MED12L: variants seen among roughly 807,000 people sequenced by gnomAD.
MED12L encodes the protein mediator of RNA polymerase II transcription subunit 12-like protein.
Under a neutral mutation model 281.3 loss-of-function variants are expected in MED12L, and 60 were observed. The observed-to-expected ratio is 0.21, with a 90% confidence interval of 0.17 to 0.26. The LOEUF is 0.26. Ranked by LOEUF, MED12L falls within the 10% of genes least tolerant of loss-of-function variation. The pLI is 1.00. For missense variants in MED12L, 2,146 were observed against 2,680.9 expected (o/e 0.80, Z 4.41); for synonymous variants, 974 against 987.2 (o/e 0.99, Z 0.25).
intron 39 of MED12L, among the ~76,000 whole-genome samples, 169 bp downstream of exon 39, chr3:151,395,036 A>G (rs183901936): frequency 1.3e-5 from 2 of 152,252 alleles, no homozygotes; most frequent in East Asian, 1.9e-4. Context: ...CCTCCATTGT[A>G]CTTTACTGTT....
intron 2 of MED12L, among the ~76,000 whole-genome samples, chr3:151,092,411 C>T (rs1720174940): frequency 6.6e-6 from 1 of 152,238 alleles, no homozygotes; most frequent in South Asian, 2.1e-4. Context: ...GTGGTGTTCA[C>T]ATCTGTGAAC....
chr3:151,173,777 G>A (rs989626828), intron 11 of MED12L, among the ~76,000 whole-genome samples: 1 of 152,168 alleles, frequency 6.6e-6, no homozygotes, highest in African/African-American at 2.4e-5. Context: ...TCCACTTCGT[G>A]TAGTAGTACA....
intron 9 of MED12L, among the ~76,000 whole-genome samples, chr3:151,164,290 A>G (rs1259344592): frequency 6.6e-6 from 1 of 152,174 alleles, no homozygotes; most frequent in African/African-American, 2.4e-5. Context: ...CCCAGACTGT[A>G]ATTATGGTGG....
chr3:151,334,193 TTTC>T (rs1447898985), intron 16 of MED12L, among the ~76,000 whole-genome samples: 2 of 17,546 alleles, frequency 1.1e-4, no homozygotes, highest in East Asian at 1.1e-3. Flanking sequence ...TCTTTCTTTC[TTTC>T]TTTTTTTTTT....
rs187833329 is a variant in MED12L, at chr3:151,135,555, A to G, written c.556+7571A>G. Among the ~76,000 whole-genome samples the G allele has an allele frequency of 2.2e-3, 332 of 152,348 alleles. 3 individuals are homozygous for G. The highest frequency in any genetic ancestry group is 7.6e-3 in the African/African-American group (318 of 41,590). Reference sequence around the variant, plus strand: ...TTTGTGTATGAGGGACCTGAGTCTCAGAGAAGTTAAGTAACTTGCTGGCCT... The same window carrying G: ...TTTGTGTATGAGGGACCTGAGTCTCGGAGAAGTTAAGTAACTTGCTGGCCT... On this transcript the variant is annotated intron_variant, in intron 5 of 44. Coordinates refer to ENST00000687756, the MANE Select transcript of MED12L (RefSeq NM_001393769.1).
chr3:151,406,593 A>G (rs1332814626), intron 39 of MED12L, among the ~76,000 whole-genome samples: 1 of 152,186 alleles, frequency 6.6e-6, no homozygotes, highest in African/African-American at 2.4e-5. Flanking sequence ...AGGAGGAAAC[A>G]TAATATGCTC....
chr3:151,252,949 G>A (rs2870521), intron 16 of MED12L, among the ~76,000 whole-genome samples: 13 of 152,210 alleles, frequency 8.5e-5, no homozygotes, highest in Admixed American at 5.9e-4. Flanking sequence ...ATGACATAGG[G>A]AATGTGTATA....
chr3:151,143,571 G>T (rs539083395), intron 5 of MED12L, among the ~76,000 whole-genome samples: 1 of 152,206 alleles, frequency 6.6e-6, no homozygotes, highest in Admixed American at 6.5e-5. Flanking sequence ...CTAGCAGCAA[G>T]TATCTTTCAC....
intron 2 of MED12L, among the ~76,000 whole-genome samples, chr3:151,097,777 A>G (rs1303882082): frequency 1.3e-5 from 2 of 152,020 alleles, no homozygotes; most frequent in African/African-American, 2.4e-5. Context: ...GCACCAAACA[A>G]CCCCCTACAC....
At chr3:151,161,904 A>G (rs554145558) in intron 8 of MED12L, among the ~76,000 whole-genome samples, 2 of 152,290 alleles carry the variant, frequency 1.3e-5, no homozygotes, top group South Asian at 4.1e-4. Context: ...CTTTAACAAT[A>G]TAGTGTTCAT....
In MED12L at chr3:151,185,313, T is replaced by G. The variant is rs751272800; in HGVS notation, c.1495-17T>G. 2 of 1,612,350 alleles carry G rather than the reference T, an allele frequency of 1.2e-6. No homozygotes were observed. The highest frequency in any genetic ancestry group is 1.3e-5 in the African/African-American group (1 of 74,864). ...TTTCATTTGATGTGGCTGGTACCCC[T>G]CTCTGTTGGTCATTAGGTTGCGCCC... On this transcript the variant is annotated splice_polypyrimidine_tract_variant and intron_variant, in intron 11 of 44. Transcript: ENST00000687756.
At chr3:151,378,285 T>C (rs1310694758) in intron 31 of MED12L, 112 bp downstream of exon 31, 2 of 1,135,280 alleles carry the variant, frequency 1.8e-6, no homozygotes, top group African/African-American at 3.2e-5. Flanking sequence ...AATTTAGTTT[T>C]TAAATGGAAC....
intron 16 of MED12L, chr3:151,212,007 C>G (rs1401827769): frequency 1.3e-5 from 2 of 152,114 alleles, no homozygotes; most frequent in African/African-American, 4.8e-5. Context: ...ATGTAACTGT[C>G]TCCATTGTAT....
chr3:151,197,443 C>T (rs920156281), intron 16 of MED12L, among the ~76,000 whole-genome samples: 7 of 152,122 alleles, frequency 4.6e-5, no homozygotes, highest in African/African-American at 1.2e-4. Flanking sequence ...CCACCACGCC[C>T]GGCTGGAGTC....
chr3:151,308,750 A>G (rs1185442301), intron 16 of MED12L, among the ~76,000 whole-genome samples: 1 of 152,176 alleles, frequency 6.6e-6, no homozygotes, highest in Non-Finnish European at 1.5e-5. Context: ...TACAGTCATC[A>G]TTATAGTTTT....
At chr3:151,129,125 G>A (rs921183585) in intron 5 of MED12L, among the ~76,000 whole-genome samples, 1 of 152,192 alleles carries the variant, frequency 6.6e-6, no homozygotes, top group African/African-American at 2.4e-5. Context: ...GTAAGGGAGA[G>A]TCCAATCACA....
chr3:151,284,297 T>C (rs77432801), intron 16 of MED12L, among the ~76,000 whole-genome samples: 3 of 152,066 alleles, frequency 2.0e-5, no homozygotes, highest in Non-Finnish European at 4.4e-5. Context: ...TTTTTTTTTT[T>C]CTACCCAAAG....
At chr3:151,202,556 G>A (rs1412323148) in intron 16 of MED12L, among the ~76,000 whole-genome samples, 1 of 152,178 alleles carries the variant, frequency 6.6e-6, no homozygotes, top group Non-Finnish European at 1.5e-5. Flanking sequence ...TGTAATCCCA[G>A]CTACTCGGGA....
chr3:151,305,500 G>A (rs1746517790), intron 16 of MED12L, among the ~76,000 whole-genome samples: 1 of 152,050 alleles, frequency 6.6e-6, no homozygotes, highest in South Asian at 2.1e-4. Context: ...CCCGAACTTG[G>A]TGGTTGATAC....
Sources: allele counts gnomAD v4.1 joint callset (sites outside exome capture counted in the v4.1 genomes callset), GRCh38; gene constraint gnomAD v4.1.1; transcripts MANE v1.5; gene names NCBI Gene and HGNC (gene_info 2026-07-23, HGNC 2026-07-21).